PARD3: variants seen among roughly 807,000 people sequenced by gnomAD.
The protein encoded by PARD3 is partitioning defective 3 homolog.
In PARD3, 75 loss-of-function variants were observed where a neutral mutation model predicts 155.4. That is an observed-to-expected ratio of 0.48 (90% confidence interval 0.40 to 0.58). The LOEUF (loss-of-function observed/expected upper bound fraction) is 0.58, where lower values mean the gene tolerates loss of function less well. PARD3 is among the 20% of genes least tolerant of loss of function. PARD3 has a pLI of 0.00. For missense variants in PARD3, 1,642 were observed against 1,721.7 expected, an observed-to-expected ratio of 0.95 and a Z score of 0.82; for synonymous variants, 576 against 610.5, an observed-to-expected ratio of 0.94 and a Z score of 0.83.
chr10:34,518,154 C>G (rs946870454), intron 2 of PARD3, among the ~76,000 whole-genome samples: 1 of 152,236 alleles, frequency 6.6e-6, no homozygotes, highest in African/African-American at 2.4e-5. Flanking sequence ...GCTGGGATTA[C>G]AGGCGTGAGC....
At chr10:34,547,000 C>T in intron 2 of PARD3, among the ~76,000 whole-genome samples, 1 of 152,200 alleles carries the variant, frequency 6.6e-6, no homozygotes, top group East Asian at 1.9e-4. Context: ...TTAGCTCACT[C>T]TAACAAGTTA....
intron 5 of PARD3, among the ~76,000 whole-genome samples, chr10:34,426,458 G>T (rs960749519): frequency 6.6e-6 from 1 of 152,032 alleles, no homozygotes; most frequent in Non-Finnish European, 1.5e-5. Flanking sequence ...TTTTTTTGTA[G>T]AAAAGAGATA....
intron 22 of PARD3, among the ~76,000 whole-genome samples, chr10:34,190,838 G>C (rs1294338920): frequency 6.6e-6 from 1 of 152,180 alleles, no homozygotes; most frequent in Non-Finnish European, 1.5e-5. Context: ...CTTGGAGGAT[G>C]CCGGTGGGGA....
intron 2 of PARD3, among the ~76,000 whole-genome samples, chr10:34,533,042 C>G (rs2133814871): frequency 6.6e-6 from 1 of 152,264 alleles, no homozygotes; most frequent in East Asian, 1.9e-4. Context: ...GCAACTGAAA[C>G]ACAATGGTAA....
chr10:34,542,597 A>T (rs181128194), intron 2 of PARD3, among the ~76,000 whole-genome samples: 74 of 152,318 alleles, frequency 4.9e-4, no homozygotes, highest in African/African-American at 1.7e-3. Flanking sequence ...TGTAGAACAT[A>T]TATGGATTTA....
Position 34,359,160 on chromosome 10 carries a change from C to T in PARD3, c.2054G>A (p.Ser685Asn), listed in dbSNP as rs376178439. The T allele has an allele frequency of 3.1e-6, 5 of 1,613,112 alleles. No individual in the cohort carries two copies. Among genetic ancestry groups the T allele is most frequent in the Non-Finnish European group, 4.2e-6 (5 of 1,179,618 alleles). ...TGCATTTCTTACCTCATTGCACTTG[C>T]TTATTCTCCTTGCAACAATAAGCTG... is the stretch of plus-strand genomic sequence containing the variant. The part of the protein sequence containing the change: ...MIQLIVARRI[S>N]KCNELKSPGS... Residue 685 changes from serine (S) to asparagine (N), a missense_variant, in exon 14 of 25, where the codon AGC (serine) becomes AAC (asparagine). Coordinates refer to ENST00000374788, the MANE Select transcript of PARD3 (RefSeq NM_001184785.2).
intron 19 of PARD3, among the ~76,000 whole-genome samples, chr10:34,326,280 T>C (rs1835022594): frequency 1.3e-5 from 2 of 152,220 alleles, no homozygotes; most frequent in African/African-American, 2.4e-5. Flanking sequence ...ACACCCATAC[T>C]ATGATCAGAA....
At chr10:34,227,885 C>T (rs56051568) in intron 22 of PARD3, among the ~76,000 whole-genome samples, 18,476 of 76,940 alleles carry the variant, frequency 0.24, 2,315 homozygotes, top group Middle Eastern at 0.37. Context: ...TATATATATA[C>T]TGGGAATATA....
intron 2 of PARD3, among the ~76,000 whole-genome samples, chr10:34,581,224 T>TTTTTC (rs1409448490): frequency 4.4e-5 from 6 of 136,068 alleles, no homozygotes; most frequent in African/African-American, 9.1e-5. Context: ...GTTATTTTTC[T>TTTTTC]TTTTCTTTTC....
chr10:34,591,774 T>C (rs928356108), intron 2 of PARD3, among the ~76,000 whole-genome samples: 1 of 152,272 alleles, frequency 6.6e-6, no homozygotes, highest in East Asian at 1.9e-4. Context: ...ATGGTACAAC[T>C]GGTGCAAGCT....
intron 22 of PARD3, among the ~76,000 whole-genome samples, chr10:34,180,188 C>T (rs1950208874): frequency 6.6e-6 from 1 of 152,180 alleles, no homozygotes. Flanking sequence ...GCTGGGATTA[C>T]AGGCACCCGC....
intron 22 of PARD3, among the ~76,000 whole-genome samples, chr10:34,137,752 A>G (rs1588896363): frequency 6.6e-6 from 1 of 152,144 alleles, no homozygotes; most frequent in African/African-American, 2.4e-5. Context: ...TATGAATCCA[A>G]CCTGCAGCTT....
At chr10:34,442,039 C>T (rs187622459) in intron 5 of PARD3, among the ~76,000 whole-genome samples, 308 of 152,192 alleles carry the variant, frequency 2.0e-3, no homozygotes, top group Admixed American at 4.9e-3. Flanking sequence ...TTTGGTGTTG[C>T]TAGAGATAAA....
At chr10:34,606,966 A>T (rs1369641529) in intron 2 of PARD3, among the ~76,000 whole-genome samples, 4 of 13,514 alleles carry the variant, frequency 3.0e-4, no homozygotes, top group East Asian at 2.2e-3. Flanking sequence ...ACTCTGTCTT[A>T]AAAAAAAAAA....
intron 2 of PARD3, among the ~76,000 whole-genome samples, chr10:34,554,017 G>C (rs904829378): frequency 3.9e-5 from 6 of 152,208 alleles, no homozygotes; most frequent in Non-Finnish European, 8.8e-5. Context: ...TGTGCTTTAA[G>C]TTAATGTTGA....
intron 23 of PARD3, among the ~76,000 whole-genome samples, chr10:34,129,812 C>A (rs372026831): frequency 6.7e-6 from 1 of 150,232 alleles, no homozygotes; most frequent in East Asian, 1.9e-4. Flanking sequence ...CATGTGCCAC[C>A]ACATCCGGGT....
At chr10:34,311,625 C>T (rs1173824032) in intron 20 of PARD3, among the ~76,000 whole-genome samples, 2 of 151,870 alleles carry the variant, frequency 1.3e-5, no homozygotes, top group Non-Finnish European at 2.9e-5. Flanking sequence ...GCTCTCTCGA[C>T]ACGTGGTCTC....
At chr10:34,169,159 G>C (rs374108265) in intron 22 of PARD3, among the ~76,000 whole-genome samples, 1 of 152,180 alleles carries the variant, frequency 6.6e-6, no homozygotes, top group Admixed American at 6.5e-5. Flanking sequence ...CCGGGGCTAG[G>C]TATATCAAAG....
intron 3 of PARD3, among the ~76,000 whole-genome samples, chr10:34,507,929 T>G (rs2081183688): frequency 6.6e-6 from 1 of 152,218 alleles, no homozygotes; most frequent in Non-Finnish European, 1.5e-5. Flanking sequence ...AATAGGAATA[T>G]TATTTCTATT....
Sources: gnomAD v4.1 joint callset for allele counts (sites outside exome capture counted in the v4.1 genomes callset) on GRCh38, gnomAD v4.1.1 for gene constraint, MANE v1.5 for transcripts, NCBI Gene and HGNC (gene_info 2026-07-23, HGNC 2026-07-21) for gene names.